SSX7: variants seen among roughly 807,000 people sequenced by gnomAD.
SSX7 encodes protein SSX7.
Under a neutral mutation model 14.7 loss-of-function variants are expected in SSX7, and 15 were observed. That is an observed-to-expected ratio of 1.02 (90% CI 0.68 to 1.58). The LOEUF is 1.58. Among genes scored for constraint, SSX7 ranks in the 40% most tolerant of loss-of-function variants. SSX7 has a pLI of 0.00. For synonymous variants in SSX7, 46 were observed against 50.6 expected, an observed-to-expected ratio of 0.91 and a Z score of 0.38; for missense variants, 178 against 146.8, an observed-to-expected ratio of 1.21 and a Z score of -1.10.
chrX:52,646,929 A>C (rs1327489370), intron 6 of SSX7, among the ~76,000 whole-genome samples: 2 of 112,538 alleles, frequency 1.8e-5, no homozygotes, highest in Non-Finnish European at 3.7e-5. Context: ...TGCAAAGGAA[A>C]AGTTCTTGAA....
chrX:52,653,261 G>A lies in SSX7; in HGVS notation c.69+143C>T, dbSNP rs1164456361. The stretch of plus-strand genomic sequence containing the variant: ...CAAGGATGCTAGTTGATGACAGAGC[G>A]AGGATGGGAGGCTCTCAAGGATCCA... On this transcript the variant is annotated intron_variant, in intron 2 of 7. Coordinates refer to ENST00000298181, the MANE Select transcript of SSX7 (RefSeq NM_173358.2). The A allele has an allele frequency of 1.2e-5, 15 of 1,200,165 alleles. No individual in the cohort carries two copies. In the Middle Eastern group the frequency reaches 9.4e-4, roughly 75 times the overall value.
chrX:52,653,811 G>C (rs1385472765), intron 1 of SSX7, among the ~76,000 whole-genome samples: 1 of 110,805 alleles, frequency 9.0e-6, no homozygotes, highest in Non-Finnish European at 1.9e-5. Flanking sequence ...ACAGACCCTT[G>C]TTGGGAAGGC....
At chrX:52,649,279 T>C (rs782379890) in intron 5 of SSX7, among the ~76,000 whole-genome samples, 28 of 111,566 alleles carry the variant, frequency 2.5e-4, no homozygotes, top group Admixed American at 4.8e-4. Flanking sequence ...TCCATCCACC[T>C]CAGCCTCCCA....
intron 1 of SSX7, 32 bp from the exon 2 acceptor site, chrX:52,653,524 C>A: frequency 1.7e-6 from 2 of 1,208,391 alleles, no homozygotes; most frequent in Non-Finnish European, 1.1e-6. Context: ...TCTTTCCAGC[C>A]ACAGCAGCTT....
intron 6 of SSX7, among the ~76,000 whole-genome samples, chrX:52,647,509 T>C: frequency 9.0e-6 from 1 of 110,883 alleles, no homozygotes; most frequent in Non-Finnish European, 1.9e-5. Context: ...AAGCAGAGAG[T>C]TAATCAATGT....
At chrX:52,651,201 A>G in intron 4 of SSX7, among the ~76,000 whole-genome samples, 1 of 111,881 alleles carries the variant, frequency 8.9e-6, no homozygotes, top group African/African-American at 3.3e-5. Context: ...CTCATCACGG[A>G]GAATCAGGGT....
At chrX:52,645,780 C>T (rs1471433970) in intron 6 of SSX7, among the ~76,000 whole-genome samples, 10 of 111,566 alleles carry the variant, frequency 9.0e-5, no homozygotes, top group Non-Finnish European at 1.5e-4. Flanking sequence ...AGATTCCCAA[C>T]CTTTTCACTT....
At chrX:52,644,694 A>T in intron 7 of SSX7, 24 bp from the exon 8 acceptor site, 1 of 1,192,950 alleles carries the variant, frequency 8.4e-7, no homozygotes, top group South Asian at 1.8e-5. Context: ...AGAGAAGGAA[A>T]GTAAGTGGCA....
intron 5 of SSX7, among the ~76,000 whole-genome samples, chrX:52,648,768 T>TGTAGAC (rs1556766658): frequency 9.0e-6 from 1 of 110,614 alleles, no homozygotes; most frequent in Admixed American, 9.6e-5. Context: ...TATAAGCTCT[T>TGTAGAC]AGCTGCTGGG....
At chrX:52,644,788 A>G (rs1925180205) in intron 7 of SSX7, 118 bp from the exon 8 acceptor site, 4 of 793,294 alleles carry the variant, frequency 5.0e-6, no homozygotes, top group Non-Finnish European at 5.7e-6. Flanking sequence ...CTACCCCAGG[A>G]CCTGCACACG....
intron 7 of SSX7, among the ~76,000 whole-genome samples, chrX:52,645,066 G>A (rs1490257450): frequency 9.0e-6 from 1 of 110,835 alleles, no homozygotes; most frequent in Non-Finnish European, 1.9e-5. Flanking sequence ...TCAGGAGACC[G>A]AGACCATCCT....
chrX:52,646,547 ATTAAG>A (rs1341702570), intron 6 of SSX7, among the ~76,000 whole-genome samples: 2 of 112,110 alleles, frequency 1.8e-5, no homozygotes, highest in African/African-American at 3.2e-5. Context: ...AAAATGTACA[ATTAAG>A]TTATTATTGA....
intron 5 of SSX7, among the ~76,000 whole-genome samples, chrX:52,649,326 G>A (rs782414031): frequency 6.3e-5 from 7 of 111,805 alleles, no homozygotes; most frequent in African/African-American, 1.9e-4. Flanking sequence ...ACCGTGCCCC[G>A]CTCTTAATCT....
intron 6 of SSX7, among the ~76,000 whole-genome samples, chrX:52,647,981 A>C (rs1187638607): frequency 8.9e-6 from 1 of 112,130 alleles, no homozygotes; most frequent in Admixed American, 9.5e-5. Context: ...ATGTCTCCAA[A>C]CAATTTATGA....
chrX:52,651,059 C>T (rs782526291), intron 4 of SSX7, among the ~76,000 whole-genome samples: 1 of 111,830 alleles, frequency 8.9e-6, no homozygotes, highest in Non-Finnish European at 1.9e-5. Flanking sequence ...CCTTTATATT[C>T]CCAAAACGTA....
At chrX:52,648,772 T>C (rs1556766659) in intron 5 of SSX7, among the ~76,000 whole-genome samples, 2 of 111,852 alleles carry the variant, frequency 1.8e-5, no homozygotes, top group Non-Finnish European at 3.8e-5. Flanking sequence ...AGCTCTTAGC[T>C]GCTGGGAGAG....
chrX:52,645,045 G>A (rs1556766174), intron 7 of SSX7, among the ~76,000 whole-genome samples: 1 of 110,802 alleles, frequency 9.0e-6, no homozygotes, highest in Non-Finnish European at 1.9e-5. Flanking sequence ...CGAGGCGGGC[G>A]GATCACGAGG....
At position 52,651,558 on chromosome X, in the gene SSX7, T is replaced by A. The variant is rs782744918; in HGVS notation, c.280+694A>T. Among the ~76,000 whole-genome samples, 4 of 111,646 alleles carry A rather than the reference T, an allele frequency of 3.6e-5. No individual in the cohort carries two copies. The East Asian group carries it at 1.1e-3, about 32-fold the overall frequency. On this transcript the variant is annotated intron_variant, in intron 4 of 7. Coordinates refer to ENST00000298181, the MANE Select transcript of SSX7 (RefSeq NM_173358.2). ...TACCCCACAGCTATGCTAGGTTTGA[T>A]TTATTTATTCACAATATTAGAAAAA...
At chrX:52,654,005 G>T (rs1225141071) in intron 1 of SSX7, among the ~76,000 whole-genome samples, 1 of 111,241 alleles carries the variant, frequency 9.0e-6, no homozygotes, top group Non-Finnish European at 1.9e-5. Context: ...AACGGATTTA[G>T]AGGCTATTAC....
Sources: allele counts gnomAD v4.1 joint callset (sites outside exome capture counted in the v4.1 genomes callset), GRCh38; gene constraint gnomAD v4.1.1; transcripts MANE v1.5; gene names NCBI Gene and HGNC (gene_info 2026-07-23, HGNC 2026-07-21).